Variants in TFAP4 observed in about 807,000 individuals in gnomAD.
The protein encoded by TFAP4 is transcription factor AP-4, also known as activating enhancer-binding protein 4.
TFAP4 carries 7 observed loss-of-function variants against 40.4 expected under a neutral mutation model. The ratio of observed to expected loss-of-function variants is 0.17; its 90% CI spans 0.10 to 0.33. TFAP4 has a LOEUF of 0.33. TFAP4 is among the 10% of genes least tolerant of loss of function. The pLI is 1.00. For missense variants in TFAP4, 374 were observed against 451.1 expected, an observed-to-expected ratio of 0.83 and a Z score of 1.55; for synonymous variants, 218 against 181.4, an observed-to-expected ratio of 1.20 and a Z score of -1.62.
chr16:4,261,737 C>T, intron 4 of TFAP4, 42 bp downstream of exon 4: 1 of 1,548,838 alleles, frequency 6.5e-7, no homozygotes, highest in Non-Finnish European at 8.7e-7. Flanking sequence ...GCTCCACGCC[C>T]TCTGCACCGC....
chr16:4,267,553 G>C (rs1254065181), intron 1 of TFAP4, among the ~76,000 whole-genome samples: 1 of 152,244 alleles, frequency 6.6e-6, no homozygotes, highest in South Asian at 2.1e-4. Context: ...TGGAGGCATG[G>C]GGCATGCCCT....
In TFAP4 at chr16:4,257,987, A is replaced by G; in HGVS notation, c.*68T>C. The G allele has an allele frequency of 6.8e-7, 1 of 1,480,228 alleles. No homozygotes were observed. Among genetic ancestry groups the G allele is most frequent in the Non-Finnish European group, 9.2e-7 (1 of 1,091,836 alleles). 91.7% of individuals were successfully genotyped at this position (1,480,228 alleles called of 1,614,324 possible). A position where few individuals can be genotyped will look rare whatever the true frequency, so the allele number is the denominator to read the frequency against. ...GTAAAAATTTCTCACTCATTCGCCC[A>G]TGTCTCTCCCTGTGGCTGCCCCGGC... On this transcript the variant is annotated 3_prime_UTR_variant, in exon 7 of 7. Transcript: ENST00000204517.
At chr16:4,262,480 C>T in intron 2 of TFAP4, 56 bp downstream of exon 2, 6 of 1,613,646 alleles carry the variant, frequency 3.7e-6, no homozygotes, top group Non-Finnish European at 5.1e-6. Context: ...GCTCACTTTC[C>T]TCTCCCAGCG....
chr16:4,268,317 C>T (rs185079772), intron 1 of TFAP4, among the ~76,000 whole-genome samples: 2 of 152,298 alleles, frequency 1.3e-5, no homozygotes, highest in East Asian at 3.9e-4. Flanking sequence ...GTAATCCCAG[C>T]TACTCGGGAG....
chr16:4,262,235 G>C lies in TFAP4; in HGVS notation c.354+89C>G, dbSNP rs1597312666. On this transcript the variant is annotated intron_variant, in intron 3 of 6. Transcript: ENST00000204517. ...AGTACTTGTCAGTGGGCAAGAAGGGGCCTGCAGCCACACCTGAGTCCCAGG... is the reference window on the plus strand; with the variant it reads ...AGTACTTGTCAGTGGGCAAGAAGGGCCCTGCAGCCACACCTGAGTCCCAGG... The C allele has an allele frequency of 4.9e-6, 7 of 1,421,370 alleles. No individual in the cohort carries two copies. The East Asian group carries it at 1.6e-4, about 32-fold the overall frequency. 88.0% of individuals were successfully genotyped at this position (1,421,370 alleles called of 1,614,324 possible).
chr16:4,260,393 A>C (rs1047296486), intron 5 of TFAP4, 62 bp downstream of exon 5: 1 of 1,518,088 alleles, frequency 6.6e-7, no homozygotes, highest in Non-Finnish European at 8.8e-7. Context: ...GGCTTCCGCC[A>C]TTCAAGATCA....
rs186724921 is a variant in TFAP4, at chr16:4,259,391, T to A, written c.822+699A>T. ...CTCAAGTGATCCACCCACTTTGGCC[T>A]CCCAAAGTGCTGGGATTGCAGGTGT... On this transcript the variant is annotated intron_variant, in intron 6 of 6. Transcript: ENST00000204517. Among the ~76,000 whole-genome samples the A allele has an allele frequency of 4.7e-4, 72 of 152,218 alleles. 1 individual carries two copies. In the South Asian group the frequency reaches 7.3e-3, roughly 15 times the overall value.
At chr16:4,267,674 G>A (rs1188878785) in intron 1 of TFAP4, among the ~76,000 whole-genome samples, 3 of 152,180 alleles carry the variant, frequency 2.0e-5, no homozygotes, top group Non-Finnish European at 4.4e-5. Context: ...CGGCCACTGA[G>A]AACTTTCATT....
intron 1 of TFAP4, among the ~76,000 whole-genome samples, chr16:4,269,208 C>CA (rs2053020743): frequency 6.6e-6 from 1 of 151,286 alleles, no homozygotes; most frequent in African/African-American, 2.4e-5. Flanking sequence ...ATGATACAGA[C>CA]AGAGGCCAGG....
In TFAP4 at chr16:4,258,103, G is replaced by A. The variant is rs201333358; in HGVS notation, c.969C>T (p.Ala323=). 1.3e-4 allele frequency: 211 copies of A among 1,613,576 alleles called. 2 individuals are homozygous for A. Among genetic ancestry groups the A allele is most frequent in the Non-Finnish European group, 3.1e-5 (37 of 1,179,908 alleles). The change falls in exon 7 of 7, where the codon GCC becomes GCT. Residue 323 remains alanine, a synonymous_variant. Coordinates refer to ENST00000204517, the MANE Select transcript of TFAP4 (RefSeq NM_003223.3). ...ASDSEASDSD[A]MDQSREEPSG... The stretch of plus-strand genomic sequence containing the variant: ...ACGGCTCCTCCCGGCTCTGGTCCAT[G>A]GCGTCACTGTCTGAGGCCTCGGAGT...
In TFAP4 at chr16:4,272,954, ATGTGTGTGTGTGTGTGTGTGTGTG is replaced by A. The variant is rs71139626; in HGVS notation, c.-232_-209del. The A allele has an allele frequency of 4.8e-4, 75 of 156,258 alleles. No individual in the cohort carries two copies. The highest frequency in any genetic ancestry group is 2.5e-3 in the African/African-American group (64 of 26,036). The allele number at this position is 156,258 out of a possible 1,614,324, so 9.7% of individuals were successfully genotyped here. ...CCGGCCTGCCTCCCCGGGCGTGTGTATGTGTGTGTGTGTGTGTGTGTGTGTGTGTGTGTGTGTGTGTGTGTGTGT... is the reference window on the plus strand; with the variant it reads ...CCGGCCTGCCTCCCCGGGCGTGTGTATGTGTGTGTGTGTGTGTGTGTGTGT... On this transcript the variant is annotated 5_prime_UTR_variant, in exon 1 of 7. Transcript: ENST00000204517.
Position 4,260,229 on chromosome 16 carries a change from G to GGGGGGGGC in TFAP4, c.682_683insGCCCCCCC (p.Ala228GlyfsTer11). On this transcript the variant is annotated frameshift_variant, in exon 6 of 7. Transcript: ENST00000204517. LOFTEE classifies it high-confidence loss of function. ...GATCACCGTGGGGTGGTGGGTGGGG[G>GGGGGGGGC]CCGGAGGGGGCAGAAGCTGCAAGAC... 8.5e-7 allele frequency: 1 copy of GGGGGGGGC among 1,170,518 alleles called. No homozygotes were observed. 72.5% of individuals were successfully genotyped at this position (1,170,518 alleles called of 1,614,324 possible).
At chr16:4,262,459 T>C in intron 2 of TFAP4, 37 bp from the exon 3 acceptor site, 10 of 1,613,840 alleles carry the variant, frequency 6.2e-6, no homozygotes, top group Non-Finnish European at 8.5e-6. Context: ...AGGCTGGCAG[T>C]GTTTACCAGA....
chr16:4,271,320 A>G (rs2053038446), intron 1 of TFAP4, among the ~76,000 whole-genome samples: 1 of 151,990 alleles, frequency 6.6e-6, no homozygotes, highest in African/African-American at 2.4e-5. Context: ...TCCTCCCTCA[A>G]TCCCCGCCCA....
intron 1 of TFAP4, chr16:4,262,940 TC>T (rs2052961549): frequency 1.8e-6 from 1 of 549,878 alleles, no homozygotes; most frequent in East Asian, 3.2e-5. Flanking sequence ...CTTTGGGAGG[TC>T]AAGGCCAAGG....
chr16:4,260,649 T>C lies in TFAP4; in HGVS notation c.526-54A>G. On this transcript the variant is annotated intron_variant, in intron 4 of 6. Coordinates refer to ENST00000204517, the MANE Select transcript of TFAP4 (RefSeq NM_003223.3). ...CCAAGGCCGGGAGCACACCCTGCCC[T>C]GTCAGTCTCACAGCAGCTCATTCAC... 5 of 1,526,168 alleles carry C rather than the reference T, an allele frequency of 3.3e-6. 1 individual carries two copies. In the South Asian group the frequency reaches 6.3e-5, roughly 19 times the overall value. 94.5% of individuals were successfully genotyped at this position (1,526,168 alleles called of 1,614,324 possible). A position where few individuals can be genotyped will look rare whatever the true frequency, so the allele number is the denominator to read the frequency against.
At chr16:4,266,386 C>A (rs1031152679) in intron 1 of TFAP4, 3 of 152,134 alleles carry the variant, frequency 2.0e-5, no homozygotes, top group African/African-American at 7.2e-5. Context: ...AAGCAAATTT[C>A]CCCCCAAAAG....
At chr16:4,265,101 A>T (rs889638778) in intron 1 of TFAP4, 2 of 152,156 alleles carry the variant, frequency 1.3e-5, no homozygotes, top group African/African-American at 4.8e-5. Context: ...GTTTTTGGCG[A>T]GAATTTTCTC....
At position 4,258,072 on chromosome 16, in the gene TFAP4, C is replaced by T. The variant is rs950839372; in HGVS notation, c.1000G>A (p.Asp334Asn). The change falls in exon 7 of 7, where the codon GAC becomes AAC. Residue 334 changes from aspartate to asparagine, a missense_variant. Transcript: ENST00000204517. ...MDQSREEPSG[D>N]GELP is the part of the protein sequence containing the mutation. Reference sequence around the variant, plus strand: ...GGGGGTAGTCAGGGAAGCTCCCCGTCCCCCGACGGCTCCTCCCGGCTCTGG... The same window carrying T: ...GGGGGTAGTCAGGGAAGCTCCCCGTTCCCCGACGGCTCCTCCCGGCTCTGG... The T allele has an allele frequency of 6.2e-7, 1 of 1,612,376 alleles. No homozygotes were observed. Among genetic ancestry groups the T allele is most frequent in the Non-Finnish European group, 8.5e-7 (1 of 1,179,744 alleles).
Sources: gnomAD v4.1 joint callset for allele counts (sites outside exome capture counted in the v4.1 genomes callset) on GRCh38, gnomAD v4.1.1 for gene constraint, MANE v1.5 for transcripts, NCBI Gene and HGNC (gene_info 2026-07-23, HGNC 2026-07-21) for gene names.